NHSL3: variants seen among roughly 807,000 people sequenced by gnomAD.
NHSL3 encodes the protein NHS-like protein 3.
At chr1:32,771,610 C>T in the NHSL3 span, 8 of 1,613,238 alleles carry the variant, frequency 5.0e-6, no homozygotes, top group Non-Finnish European at 6.8e-6. Context: ...CTCCCCAGAG[C>T]TTGTCAGCTC....
chr1:32,748,754 C>T, the NHSL3 span, among the ~76,000 whole-genome samples: 105 of 152,218 alleles, frequency 6.9e-4, no homozygotes, highest in African/African-American at 2.2e-3. Flanking sequence ...GGCGGAGTTC[C>T]CTCTGCTATG....
chr1:32,747,607 A>G, the NHSL3 span, among the ~76,000 whole-genome samples: 1 of 152,154 alleles, frequency 6.6e-6, no homozygotes, highest in African/African-American at 2.4e-5. Flanking sequence ...CCAGGAAAGG[A>G]GAGCTGACCT....
the NHSL3 span, chr1:32,753,935 A>C: frequency 2.3e-4 from 57 of 250,958 alleles, no homozygotes; most frequent in East Asian, 3.4e-4. Context: ...CGGCCTGGCC[A>C]TTGGCCGCAG....
the NHSL3 span, chr1:32,767,978 C>T: frequency 1.9e-6 from 3 of 1,611,478 alleles, no homozygotes; most frequent in Non-Finnish European, 2.5e-6. Flanking sequence ...TCTCCACTCC[C>T]CTCCCCTCTC....
At chr1:32,753,496 A>T in the NHSL3 span, among the ~76,000 whole-genome samples, 5 of 152,134 alleles carry the variant, frequency 3.3e-5, no homozygotes, top group East Asian at 1.9e-4. Context: ...AAAATAAAAA[A>T]AATAATAAAA....
At chr1:32,772,857 T>TC in the NHSL3 span, 28 of 1,613,750 alleles carry the variant, frequency 1.7e-5, 1 homozygote, top group South Asian at 2.9e-4. Context: ...CTTATTTTTC[T>TC]CCCCCAGACT....
chr1:32,771,163 C>T, the NHSL3 span: 1 of 1,611,850 alleles, frequency 6.2e-7, no homozygotes, highest in Middle Eastern at 1.7e-4. Context: ...TGTCATACCT[C>T]CTCACCCCAA....
At chr1:32,772,532 T>C in the NHSL3 span, 1 of 1,470,684 alleles carries the variant, frequency 6.8e-7, no homozygotes, top group South Asian at 1.5e-5. Flanking sequence ...TTCTTGGATC[T>C]TTAACTTTTC....
chr1:32,753,415 G>A, the NHSL3 span, among the ~76,000 whole-genome samples: 3 of 152,126 alleles, frequency 2.0e-5, no homozygotes, highest in South Asian at 6.2e-4. Context: ...AACCGGGCAG[G>A]TGGAGGTTGC....
the NHSL3 span, among the ~76,000 whole-genome samples, chr1:32,747,074 G>A: frequency 6.6e-6 from 1 of 152,266 alleles, no homozygotes; most frequent in Admixed American, 6.5e-5. Flanking sequence ...TCATGGTGTG[G>A]AGTTGTGGAG....
At chr1:32,756,959 G>C in the NHSL3 span, among the ~76,000 whole-genome samples, 3 of 152,140 alleles carry the variant, frequency 2.0e-5, no homozygotes, top group Non-Finnish European at 4.4e-5. Flanking sequence ...ACAAGAACTC[G>C]ACTCCATTTC....
At chr1:32,768,762 G>A in the NHSL3 span, 1 of 1,613,872 alleles carries the variant, frequency 6.2e-7, no homozygotes, top group Non-Finnish European at 8.5e-7. Flanking sequence ...GCTCGGAGAT[G>A]ATCCAGCGCA....
chr1:32,772,828 G>A, the NHSL3 span: 6 of 1,610,600 alleles, frequency 3.7e-6, no homozygotes, highest in African/African-American at 8.0e-5. Flanking sequence ...CAAGCCAGGA[G>A]GCCCCTTGCT....
the NHSL3 span, chr1:32,770,696 C>G: frequency 5.2e-6 from 8 of 1,540,540 alleles, no homozygotes; most frequent in African/African-American, 1.4e-5. This position sits in a 1 kb window ranked among gnomAD's most constrained non-coding sequence, Gnocchi z 8.3. Context: ...CGGACCCACT[C>G]CCTCCATCAG....
At chr1:32,741,898 G>T in the NHSL3 span, 1 of 213,268 alleles carries the variant, frequency 4.7e-6, no homozygotes, top group South Asian at 1.5e-4. This position sits in a 1 kb window ranked among gnomAD's most constrained non-coding sequence, Gnocchi z 4.3. Context: ...GCCGCCCCCG[G>T]CATGGGCACC....
chr1:32,765,383 C>A, the NHSL3 span, among the ~76,000 whole-genome samples: 1 of 152,234 alleles, frequency 6.6e-6, no homozygotes, highest in Non-Finnish European at 1.5e-5. Context: ...GGTAGCCCCT[C>A]CACCTACCAT....
chr1:32,767,463 G>T, the NHSL3 span, among the ~76,000 whole-genome samples: 1 of 152,060 alleles, frequency 6.6e-6, no homozygotes, highest in Non-Finnish European at 1.5e-5. Flanking sequence ...ATACATGAAT[G>T]ACATCTGTGA....
chr1:32,754,107 C>G, the NHSL3 span: 21 of 709,696 alleles, frequency 3.0e-5, 1 homozygote, highest in South Asian at 3.0e-4. Flanking sequence ...ACTCACACCA[C>G]AAGAGGAAGG....
chr1:32,772,178 T>C, the NHSL3 span: 2 of 1,613,334 alleles, frequency 1.2e-6, no homozygotes, highest in Non-Finnish European at 1.7e-6. Flanking sequence ...CGGAATCTGG[T>C]GGCAGAACTC....
Sources: gnomAD v4.1 joint callset for allele counts (sites outside exome capture counted in the v4.1 genomes callset) on GRCh38, gnomAD v4.1.1 for gene constraint, Gnocchi (gnomAD v3.1) non-coding constraint, MANE v1.5 for transcripts, NCBI Gene and HGNC (gene_info 2026-07-23, HGNC 2026-07-21) for gene names.